Variants in ODC1 observed in about 807,000 individuals in gnomAD.
ODC1 encodes ornithine decarboxylase 1.
ODC1 carries 18 observed loss-of-function variants against 41.5 expected under a neutral mutation model. That is an observed-to-expected ratio of 0.43 (90% CI 0.30 to 0.64). ODC1 has a LOEUF of 0.64. Among genes scored for constraint, ODC1 ranks in the 30% least tolerant of loss-of-function variants. The pLI, the probability that ODC1 is intolerant of heterozygous loss-of-function variation, is 0.11. For synonymous variants in ODC1, 218 were observed against 211.6 expected, an observed-to-expected ratio of 1.03 and a Z score of -0.26; for missense variants, 504 against 589.0, an observed-to-expected ratio of 0.86 and a Z score of 1.49.
chr2:10,444,680 G>A, intron 3 of ODC1, 33 bp from the exon 4 acceptor site: 2 of 1,587,056 alleles, frequency 1.3e-6, no homozygotes, highest in Non-Finnish European at 1.7e-6. Flanking sequence ...TGACTCACTA[G>A]CAGCCTCACC....
At chr2:10,442,717 CT>C (rs200858806) in intron 8 of ODC1, among the ~76,000 whole-genome samples, 283 of 145,342 alleles carry the variant, frequency 1.9e-3, no homozygotes, top group East Asian at 9.4e-3. Context: ...CATGCTTTTT[CT>C]TTTTTTTTTT....
In ODC1 at chr2:10,442,121, T is replaced by C. The variant is rs556956397; in HGVS notation, c.804A>G (p.Gly268=). The change falls in exon 9 of 12, where the codon GGA becomes GGG. Residue 268 remains glycine, a synonymous_variant. Coordinates refer to ENST00000234111, the MANE Select transcript of ODC1 (RefSeq NM_002539.3). ...ALDKYFPSDS[G]VRIIAEPGRY... ...TGCCGGGCTCAGCTATGATTCTCAC[T>C]CCAGAGTCTGACGGAAAGTATTTGT... 6.2e-7 allele frequency: 1 copy of C among 1,614,030 alleles called. No individual in the cohort carries two copies. Among genetic ancestry groups the C allele is most frequent in the Admixed American group, 1.7e-5 (1 of 59,976 alleles).
Position 10,444,049 on chromosome 2 carries a change from A to G in ODC1, c.449+46T>C, listed in dbSNP as rs149399944. The stretch of plus-strand genomic sequence containing the variant: ...TTAAGTTTGTTTGATAAGAATCCAC[A>G]TATCTTATGCTCCCGATCTTGCCCT... On this transcript the variant is annotated intron_variant, in intron 5 of 11. Coordinates refer to ENST00000234111, the MANE Select transcript of ODC1 (RefSeq NM_002539.3). 46 of 1,524,714 alleles carry G rather than the reference A, an allele frequency of 3.0e-5. No individual in the cohort carries two copies. The East Asian group carries it at 8.4e-4, about 28-fold the overall frequency. The allele number at this position is 1,524,714 out of a possible 1,614,324, so 94.4% of individuals were successfully genotyped here.
At position 10,448,320 on chromosome 2, in the gene ODC1, G is replaced by A. The variant is rs975629642; in HGVS notation, c.-327C>T. 7.5e-6 allele frequency: 2 copies of A among 265,860 alleles called. No individual in the cohort carries two copies. Among genetic ancestry groups the A allele is most frequent in the Admixed American group, 5.5e-5 (1 of 18,308 alleles). 16.5% of individuals were successfully genotyped at this position (265,860 alleles called of 1,614,324 possible). ...GCGGCGGCGGCGGCGGCTACAGGAG[G>A]GACTGACAAAGCCCCACGGCACGCC... On this transcript the variant is annotated 5_prime_UTR_variant, in exon 1 of 12. Transcript: ENST00000234111.
chr2:10,444,019 G>A, intron 5 of ODC1, 76 bp downstream of exon 5: 6 of 1,497,328 alleles, frequency 4.0e-6, no homozygotes, highest in Non-Finnish European at 5.4e-6. Flanking sequence ...ATAATAATCA[G>A]AAATTTAAGT....
chr2:10,445,355 T>C lies in ODC1; in HGVS notation c.-127-91A>G, dbSNP rs535612811. The C allele has an allele frequency of 3.7e-5, 11 of 297,446 alleles. No individual in the cohort carries two copies. In the East Asian group the frequency reaches 9.0e-4, roughly 24 times the overall value. 18.4% of individuals were successfully genotyped at this position (297,446 alleles called of 1,614,324 possible). On this transcript the variant is annotated intron_variant, in intron 1 of 11. Coordinates refer to ENST00000234111, the MANE Select transcript of ODC1 (RefSeq NM_002539.3). The stretch of plus-strand genomic sequence containing the variant: ...GGCTGAGCACACGCAGAGCTAATCA[T>C]GCCCCGGATATGAACCACTCACTGG...
At chr2:10,441,419 A>G in intron 11 of ODC1, 90 bp downstream of exon 11, 1 of 1,324,982 alleles carries the variant, frequency 7.5e-7, no homozygotes, top group East Asian at 2.5e-5. Flanking sequence ...AATCTTAGGC[A>G]AGACAATTTC....
intron 8 of ODC1, among the ~76,000 whole-genome samples, chr2:10,442,797 A>G (rs902497450): frequency 8.6e-5 from 13 of 151,968 alleles, no homozygotes; most frequent in Non-Finnish European, 1.5e-4. Flanking sequence ...TGCAGCCTCA[A>G]CCTCCTGGGC....
At position 10,445,155 on chromosome 2, in the gene ODC1, A is replaced by G. The variant is rs1671970002; in HGVS notation, c.-18T>C. 2.6e-5 allele frequency: 16 copies of G among 627,340 alleles called. No individual in the cohort carries two copies. The South Asian group carries it at 2.8e-4, about 11-fold the overall frequency. The allele number at this position is 627,340 out of a possible 1,614,324, so 38.9% of individuals were successfully genotyped here. On this transcript the variant is annotated splice_region_variant and 5_prime_UTR_variant, in exon 2 of 12. Coordinates refer to ENST00000234111, the MANE Select transcript of ODC1 (RefSeq NM_002539.3). ...ACATAAATGTAAACTGAATACTTAC[A>G]TGGAAAACTAAGAGATGGAATTGAA... is the stretch of plus-strand genomic sequence containing the variant.
At position 10,444,130 on chromosome 2, in the gene ODC1, C is replaced by T. The variant is rs752231043; in HGVS notation, c.414G>A (p.Glu138=). 3 of 1,606,256 alleles carry T rather than the reference C, an allele frequency of 1.9e-6. No homozygotes were observed. Among genetic ancestry groups the T allele is most frequent in the Non-Finnish European group, 2.5e-6 (3 of 1,177,480 alleles). Residue 138 remains glutamate, a synonymous_variant, in exon 5 of 12, where the codon GAG becomes GAA. Coordinates refer to ENST00000234111, the MANE Select transcript of ODC1 (RefSeq NM_002539.3). ...GATGTGCTCTGGCAACTTTCATCAA[C>T]TCAACTTCACTATCAAAAGTCATCA... ...VQMMTFDSEV[E]LMKVARAHPK...
chr2:10,444,801 A>T, intron 3 of ODC1, 130 bp downstream of exon 3: 1 of 822,158 alleles, frequency 1.2e-6, no homozygotes, highest in Non-Finnish European at 2.0e-6. Context: ...TTAATTTACC[A>T]CCAGTGAATT....
At chr2:10,440,974 T>C (rs376999558) in intron 11 of ODC1, 106 bp from the exon 12 acceptor site, 14 of 1,208,904 alleles carry the variant, frequency 1.2e-5, no homozygotes, top group East Asian at 7.5e-5. Context: ...TTTTTTTTTC[T>C]GAGACAGGGT....
Position 10,448,302 on chromosome 2 carries a change from C to A in ODC1, c.-309G>T. 1 of 251,866 alleles carries A rather than the reference C, an allele frequency of 4.0e-6. No individual in the cohort carries two copies. The highest frequency in any genetic ancestry group is 7.5e-6 in the Non-Finnish European group (1 of 132,534). The allele number at this position is 251,866 out of a possible 1,614,324, so 15.6% of individuals were successfully genotyped here. A position where few individuals can be genotyped will look rare whatever the true frequency, so the allele number is the denominator to read the frequency against. The stretch of plus-strand genomic sequence containing the variant: ...CTGGCAGAGGGGCGGCGGGCGGCGG[C>A]GGCGGCGGCTACAGGAGGGACTGAC... On this transcript the variant is annotated 5_prime_UTR_variant, in exon 1 of 12. Transcript: ENST00000234111.
intron 8 of ODC1, 116 bp downstream of exon 8, chr2:10,443,114 C>G (rs1420041441): frequency 2.6e-6 from 2 of 773,912 alleles, no homozygotes; most frequent in Non-Finnish European, 4.4e-6. Context: ...CTCAAAATAT[C>G]ACACCAAGAC....
At chr2:10,446,060 C>A (rs1572147250) in intron 1 of ODC1, among the ~76,000 whole-genome samples, 1 of 151,652 alleles carries the variant, frequency 6.6e-6, no homozygotes, top group Admixed American at 6.6e-5. Context: ...GTATATACTT[C>A]TTAAAAACTG....
intron 1 of ODC1, among the ~76,000 whole-genome samples, chr2:10,445,561 T>C (rs10490728): frequency 0.027 from 4,132 of 152,300 alleles, 206 homozygotes; most frequent in African/African-American, 0.092. Context: ...CTCACTGATA[T>C]GGAAAAAAGT....
rs1409481914 is a variant in ODC1 at position 10,441,937 on chromosome 2, G to A, written c.914-8C>T. On this transcript the variant is annotated splice_region_variant and splice_polypyrimidine_tract_variant and intron_variant, in intron 9 of 11. Coordinates refer to ENST00000234111, the MANE Select transcript of ODC1 (RefSeq NM_002539.3). ...CACTCGACTCATCTTCGTCTAGAAA[G>A]GCAGATCAACAATCTTAATGACTTT... is the stretch of plus-strand genomic sequence containing the variant. 2.5e-6 allele frequency: 4 copies of A among 1,613,616 alleles called. No homozygotes were observed. The highest frequency in any genetic ancestry group is 2.7e-5 in the African/African-American group (2 of 74,906).
chr2:10,444,243 G>A lies in ODC1; in HGVS notation c.301C>T (p.Leu101=). The change falls in exon 5 of 12, where the codon CTG becomes TTG. Residue 101 remains leucine, a synonymous_variant. Transcript: ENST00000234111. The part of the protein sequence containing the change: ...SKTEIQLVQS[L]GVPPERIIYA... ...ATAATCCTCTCTGGAGGCACCCCCA[G>A]ACTCTGCACCAACTGTATTTCAGTC... 6.3e-7 allele frequency: 1 copy of A among 1,596,758 alleles called. No homozygotes were observed. The highest frequency in any genetic ancestry group is 8.5e-7 in the Non-Finnish European group (1 of 1,174,278).
At chr2:10,443,023 C>G (rs1336950489) in intron 8 of ODC1, among the ~76,000 whole-genome samples, 1 of 152,096 alleles carries the variant, frequency 6.6e-6, no homozygotes, top group Non-Finnish European at 1.5e-5. Flanking sequence ...AACCAATTAT[C>G]CAAGACTTCT....
Sources: gnomAD v4.1 joint callset for allele counts (sites outside exome capture counted in the v4.1 genomes callset) on GRCh38, gnomAD v4.1.1 for gene constraint, MANE v1.5 for transcripts, NCBI Gene and HGNC (gene_info 2026-07-23, HGNC 2026-07-21) for gene names.